STS: variants seen among roughly 807,000 people sequenced by gnomAD.
STS encodes the protein steryl-sulfatase.
A neutral mutation model predicts 26.8 loss-of-function variants in STS; 7 were observed. The observed-to-expected ratio is 0.26, with a 90% confidence interval of 0.15 to 0.49. The LOEUF (loss-of-function observed/expected upper bound fraction) is 0.49. STS is among the 20% of genes least tolerant of loss of function. STS has a pLI of 0.98. For synonymous variants in STS, 199 were observed against 189.4 expected (o/e 1.05, Z -0.42); for missense variants, 434 against 465.6 (o/e 0.93, Z 0.63).
chrX:7,245,296 T>A (rs1397214926), intron 2 of STS, among the ~76,000 whole-genome samples: 2 of 112,240 alleles, frequency 1.8e-5, no homozygotes, highest in Non-Finnish European at 3.8e-5. Flanking sequence ...AATTTTTGAA[T>A]CTTCTCTGTG....
chrX:7,186,589 C>A (rs1298505973), intron 1 of STS, among the ~76,000 whole-genome samples: 3 of 111,632 alleles, frequency 2.7e-5, no homozygotes. Flanking sequence ...ATTGGGCGAA[C>A]ATCTGGTCCT....
At chrX:7,245,480 G>A (rs1314871899) in intron 2 of STS, among the ~76,000 whole-genome samples, 1 of 112,245 alleles carries the variant, frequency 8.9e-6, no homozygotes, top group Non-Finnish European at 1.9e-5. Context: ...GGTGTCTACA[G>A]TCTAATTAGG....
intron 1 of STS, among the ~76,000 whole-genome samples, chrX:7,151,442 A>G (rs747797448): frequency 2.5e-4 from 28 of 111,679 alleles, no homozygotes; most frequent in Admixed American, 4.7e-4. Flanking sequence ...TGAGCTCCTC[A>G]TTGCAGACTT....
intron 6 of STS, among the ~76,000 whole-genome samples, chrX:7,270,964 T>C (rs1363439238): frequency 9.0e-6 from 1 of 110,540 alleles, no homozygotes; most frequent in Non-Finnish European, 1.9e-5. Flanking sequence ...CTGCCAATCA[T>C]GTTGATGGAT....
intron 10 of STS, among the ~76,000 whole-genome samples, chrX:7,342,800 C>T (rs142051169): frequency 0.012 from 1,385 of 112,174 alleles, 21 homozygotes; most frequent in African/African-American, 0.042. Context: ...TTAGAAGACA[C>T]ATGATCTATG....
intron 2 of STS, among the ~76,000 whole-genome samples, chrX:7,214,373 T>G (rs1382597288): frequency 2.7e-5 from 3 of 111,841 alleles, no homozygotes; most frequent in African/African-American, 9.8e-5. Context: ...GGCCTTATTG[T>G]CTCTGATTAA....
At chrX:7,169,716 T>C (rs1329151539) in intron 1 of STS, among the ~76,000 whole-genome samples, 1 of 112,148 alleles carries the variant, frequency 8.9e-6, no homozygotes. Context: ...AGAACTTGTG[T>C]TGAGGAGAAA....
In STS at chrX:7,351,871, G is replaced by A. The variant is rs1323808327; in HGVS notation, c.*1610G>A. ...GCATACTATTGGGCTGGGAGGATTT[G>A]ACAGCATTTCCCCAGTTGCCCTTTA... is the stretch of plus-strand genomic sequence containing the variant. On this transcript the variant is annotated 3_prime_UTR_variant, in exon 11 of 11. Coordinates refer to ENST00000674429, the MANE Select transcript of STS (RefSeq NM_001320752.2). 9.3e-6 allele frequency: 1 copy of A among 106,987 alleles called. No individual in the cohort carries two copies. Among genetic ancestry groups the A allele is most frequent in the African/African-American group, 3.4e-5 (1 of 29,179 alleles). 8.8% of individuals were successfully genotyped at this position (106,987 alleles called of 1,213,427 possible). A position where few individuals can be genotyped will look rare whatever the true frequency, so the allele number is the denominator to read the frequency against.
At chrX:7,253,419 C>T (rs1255124702) in intron 3 of STS, 83 bp downstream of exon 3, 4 of 1,149,098 alleles carry the variant, frequency 3.5e-6, no homozygotes, top group Non-Finnish European at 2.4e-6. Context: ...ATCTACAGAG[C>T]ACAGAACATG....
rs933337032 is a variant in STS, at chrX:7,209,307, A to G, written c.-5+18299A>G. ...TAGATGGAATTAAAAACTGAATTGC[A>G]ATACAAAGATTAATACCACAGATTT... On this transcript the variant is annotated intron_variant, in intron 2 of 10. Coordinates refer to ENST00000674429, the MANE Select transcript of STS (RefSeq NM_001320752.2). 3.6e-5 allele frequency among the ~76,000 whole-genome samples: 4 copies of G among 109,870 alleles called. No homozygotes were observed. In the Admixed American group the frequency reaches 3.9e-4, roughly 11 times the overall value.
At chrX:7,211,988 C>T (rs1326850364) in intron 2 of STS, among the ~76,000 whole-genome samples, 4 of 112,002 alleles carry the variant, frequency 3.6e-5, no homozygotes, top group African/African-American at 9.7e-5. Context: ...CTGCAGATCG[C>T]GGGAGCAGAT....
chrX:7,172,020 G>A lies in STS; in HGVS notation c.-133-18860G>A, dbSNP rs182652533. On this transcript the variant is annotated intron_variant, in intron 1 of 10. Coordinates refer to ENST00000674429, the MANE Select transcript of STS (RefSeq NM_001320752.2). ...CGCGATCATCACCATAAATGAGTTT[G>A]GGAATATTCTCATCACCCAAGTGAG... 9.9e-4 allele frequency among the ~76,000 whole-genome samples: 111 copies of A among 111,941 alleles called. 1 individual carries two copies. The highest frequency in any genetic ancestry group is 3.5e-3 in the African/African-American group (109 of 30,862).
intron 10 of STS, among the ~76,000 whole-genome samples, chrX:7,336,018 A>G (rs1928003053): frequency 9.0e-6 from 1 of 111,678 alleles, no homozygotes; most frequent in African/African-American, 3.3e-5. Context: ...GTAGCCTTGT[A>G]GTATAGTTTG....
chrX:7,215,120 C>T (rs1340467348), intron 2 of STS, among the ~76,000 whole-genome samples: 8 of 75,161 alleles, frequency 1.1e-4, no homozygotes, highest in Admixed American at 4.6e-4. Flanking sequence ...CATATATACA[C>T]ACACACACAC....
chrX:7,168,402 A>G (rs1436906082), intron 1 of STS, among the ~76,000 whole-genome samples: 1 of 112,041 alleles, frequency 8.9e-6, no homozygotes, highest in Non-Finnish European at 1.9e-5. Context: ...GATGATAATA[A>G]AATCATGAAA....
At chrX:7,326,289 A>G (rs756466506) in intron 9 of STS, among the ~76,000 whole-genome samples, 1 of 111,818 alleles carries the variant, frequency 8.9e-6, no homozygotes, top group South Asian at 3.7e-4. Flanking sequence ...CTTTATCCAG[A>G]GGGAAATAAA....
In STS at chrX:7,186,430, A is replaced by G. The variant is rs768151576; in HGVS notation, c.-133-4450A>G. On this transcript the variant is annotated intron_variant, in intron 1 of 10. Coordinates refer to ENST00000674429, the MANE Select transcript of STS (RefSeq NM_001320752.2). The stretch of plus-strand genomic sequence containing the variant: ...GGGCAGAGGGTTCAGCAGTGGGTAC[A>G]TGGAGGAGACCACGAGTGTTAGCAA... 4.5e-5 allele frequency among the ~76,000 whole-genome samples: 5 copies of G among 111,600 alleles called. No homozygotes were observed. The South Asian group carries it at 1.5e-3, about 34-fold the overall frequency.
At chrX:7,198,880 C>A (rs1338806460) in intron 2 of STS, among the ~76,000 whole-genome samples, 3 of 111,215 alleles carry the variant, frequency 2.7e-5, no homozygotes, top group African/African-American at 9.8e-5. Flanking sequence ...ACCCAAGATT[C>A]CAGAGGAAAG....
At chrX:7,240,133 AATTGCTGAGATTAC>A (rs1452804078) in intron 2 of STS, among the ~76,000 whole-genome samples, 2 of 109,259 alleles carry the variant, frequency 1.8e-5, no homozygotes, top group Non-Finnish European at 3.8e-5. Flanking sequence ...TGACCTCCCA[AATTGCTGAGATTAC>A]AGGTGTGAGC....
Sources: allele counts gnomAD v4.1 joint callset (sites outside exome capture counted in the v4.1 genomes callset), GRCh38; gene constraint gnomAD v4.1.1; transcripts MANE v1.5; gene names NCBI Gene and HGNC (gene_info 2026-07-23, HGNC 2026-07-21).